Variants in GALNT13 observed in about 807,000 individuals in gnomAD.
GALNT13 encodes the protein UDP-GalNAc:polypeptide N-acetylgalactosaminyltransferase 13.
Under a neutral mutation model 64.2 loss-of-function variants are expected in GALNT13, and 28 were observed. The observed-to-expected ratio is 0.44, with a 90% CI of 0.32 to 0.60. GALNT13 has a LOEUF of 0.60. Ranked by LOEUF, GALNT13 falls within the 20% of genes least tolerant of loss-of-function variation. The pLI, the probability that GALNT13 is intolerant of heterozygous loss-of-function variation, is 0.05. For missense variants in GALNT13, 577 were observed against 669.8 expected, an observed-to-expected ratio of 0.86 and a Z score of 1.53; for synonymous variants, 214 against 224.6, an observed-to-expected ratio of 0.95 and a Z score of 0.42.
chr2:154,359,183 G>T (rs967325563), intron 9 of GALNT13, among the ~76,000 whole-genome samples: 9 of 152,048 alleles, frequency 5.9e-5, no homozygotes, highest in Admixed American at 1.3e-4. Flanking sequence ...AGTGGCATCA[G>T]AGATTGGAGT....
the GALNT13 span, among the ~76,000 whole-genome samples, chr2:153,563,506 T>C: frequency 6.6e-6 from 1 of 152,126 alleles, no homozygotes; most frequent in Non-Finnish European, 1.5e-5. Context: ...TGGATTTTCT[T>C]ATACTGTGAG....
intron 4 of GALNT13, among the ~76,000 whole-genome samples, chr2:154,171,820 A>G (rs1685364519): frequency 1.3e-5 from 2 of 152,106 alleles, no homozygotes; most frequent in South Asian, 4.1e-4. Flanking sequence ...GATATAATCC[A>G]TTTTGGAAAT....
At chr2:153,324,446 A>G in the GALNT13 span, among the ~76,000 whole-genome samples, 3 of 152,326 alleles carry the variant, frequency 2.0e-5, no homozygotes, top group Admixed American at 2.0e-4. Context: ...GCAAACAGAC[A>G]CAATTTGATT....
the GALNT13 span, among the ~76,000 whole-genome samples, chr2:153,475,213 A>G: frequency 6.6e-6 from 1 of 152,192 alleles, no homozygotes; most frequent in Non-Finnish European, 1.5e-5. Flanking sequence ...GCATCTCTCT[A>G]AGTAACAAAT....
At position 153,898,856 on chromosome 2, in the gene GALNT13, C is replaced by CAA. The variant is rs35168611; in HGVS notation, c.-176-2062_-176-2061dup. On this transcript the variant is annotated intron_variant, in intron 1 of 12. Transcript: ENST00000392825. Reference sequence around the variant, plus strand: ...GTAAATTCTTCCTCCAGTTGCACAGCAAAAAAAAAAAAAAAAAAATGATGG... The same window carrying CAA: ...GTAAATTCTTCCTCCAGTTGCACAGCAAAAAAAAAAAAAAAAAAAAATGATGG... 6.3e-3 allele frequency among the ~76,000 whole-genome samples: 630 copies of CAA among 99,338 alleles called. 7 individuals are homozygous for CAA. The highest frequency in any genetic ancestry group is 0.019 in the African/African-American group (519 of 26,982). The allele number at this position is 99,338 out of a possible 152,430, so 65.2% of individuals were successfully genotyped here. A position where few individuals can be genotyped will look rare whatever the true frequency, so the allele number is the denominator to read the frequency against.
chr2:153,767,798 T>C, the GALNT13 span, among the ~76,000 whole-genome samples: 13 of 152,104 alleles, frequency 8.5e-5, no homozygotes, highest in East Asian at 7.7e-4. Flanking sequence ...TTAATGTTTT[T>C]TTTTTTTCCC....
At chr2:153,663,932 G>A in the GALNT13 span, among the ~76,000 whole-genome samples, 1 of 152,252 alleles carries the variant, frequency 6.6e-6, no homozygotes, top group African/African-American at 2.4e-5. Context: ...TTATTTGCAA[G>A]TTTTTCTTAG....
At chr2:153,075,778 A>AT in the GALNT13 span, among the ~76,000 whole-genome samples, 4 of 152,156 alleles carry the variant, frequency 2.6e-5, no homozygotes, top group African/African-American at 9.6e-5. Context: ...GTAACCACCA[A>AT]AATATTTTGC....
At chr2:153,509,526 A>T in the GALNT13 span, among the ~76,000 whole-genome samples, 3 of 152,170 alleles carry the variant, frequency 2.0e-5, no homozygotes, top group Admixed American at 6.5e-5. Flanking sequence ...ATAAAGAAAA[A>T]CCCTAGATGA....
At chr2:153,324,837 T>G in the GALNT13 span, among the ~76,000 whole-genome samples, 14 of 152,316 alleles carry the variant, frequency 9.2e-5, no homozygotes, top group South Asian at 2.7e-3. Flanking sequence ...AAAGCCAACT[T>G]GATTGTGGTG....
At chr2:154,186,782 G>T (rs548223136) in intron 4 of GALNT13, among the ~76,000 whole-genome samples, 1 of 152,168 alleles carries the variant, frequency 6.6e-6, no homozygotes, top group East Asian at 1.9e-4. Context: ...GACTAATTTA[G>T]AAGAATGTGT....
At chr2:153,277,923 C>CTTTT in the GALNT13 span, among the ~76,000 whole-genome samples, 278 of 78,864 alleles carry the variant, frequency 3.5e-3, 50 homozygotes, top group East Asian at 0.028. Context: ...GTTTTCTTTT[C>CTTTT]TTTCTTTTTT....
At chr2:153,299,891 C>A in the GALNT13 span, among the ~76,000 whole-genome samples, 3 of 152,206 alleles carry the variant, frequency 2.0e-5, no homozygotes, top group African/African-American at 7.2e-5. Flanking sequence ...TGTTCTCATT[C>A]TGTCCTTGAC....
chr2:154,417,956 CTT>C (rs1183958887), intron 11 of GALNT13, among the ~76,000 whole-genome samples: 1 of 151,930 alleles, frequency 6.6e-6, no homozygotes, highest in Non-Finnish European at 1.5e-5. Flanking sequence ...TTGTTTTTAA[CTT>C]ATATATTATT....
chr2:154,071,012 A>G (rs1700713414), intron 3 of GALNT13, among the ~76,000 whole-genome samples: 2 of 152,054 alleles, frequency 1.3e-5, no homozygotes, highest in South Asian at 4.1e-4. Flanking sequence ...TAAAATGGAT[A>G]CCAATAAGGT....
the GALNT13 span, among the ~76,000 whole-genome samples, chr2:153,220,051 C>T: frequency 6.6e-6 from 1 of 152,230 alleles, no homozygotes; most frequent in African/African-American, 2.4e-5. Flanking sequence ...AATATTGGCT[C>T]TTTCAGCTTT....
At chr2:153,901,569 C>T (rs1057137101) in intron 2 of GALNT13, among the ~76,000 whole-genome samples, 12 of 151,932 alleles carry the variant, frequency 7.9e-5, no homozygotes, top group African/African-American at 2.7e-4. Flanking sequence ...TTGGGGGTTA[C>T]TGTGAGTGGG....
the GALNT13 span, among the ~76,000 whole-genome samples, chr2:153,669,651 A>G: frequency 6.6e-6 from 1 of 152,134 alleles, no homozygotes; most frequent in African/African-American, 2.4e-5. Context: ...CAACTGTGGT[A>G]TCTTGTTCAT....
At chr2:154,142,719 T>C (rs1241091552) in intron 4 of GALNT13, among the ~76,000 whole-genome samples, 2 of 151,970 alleles carry the variant, frequency 1.3e-5, no homozygotes, top group African/African-American at 4.8e-5. Flanking sequence ...TAATTACATA[T>C]TGTGGACATT....
Sources: allele counts gnomAD v4.1 joint callset (sites outside exome capture counted in the v4.1 genomes callset), GRCh38; gene constraint gnomAD v4.1.1; transcripts MANE v1.5; gene names NCBI Gene and HGNC (gene_info 2026-07-23, HGNC 2026-07-21).